The following KCNH1 variants were observed in gnomAD, a reference collection of about 807,000 sequenced individuals.
KCNH1 encodes the protein potassium voltage-gated channel subfamily H member 1.
KCNH1 carries 27 observed loss-of-function variants against 69.2 expected under a neutral mutation model. That is an observed-to-expected ratio of 0.39 (90% CI 0.29 to 0.54). The LOEUF (loss-of-function observed/expected upper bound fraction) is 0.54. Among genes scored for constraint, KCNH1 ranks in the 20% least tolerant of loss-of-function variants. KCNH1 has a pLI of 0.68. For missense variants in KCNH1, 798 were observed against 1,261.6 expected (o/e 0.63, Z 5.57); for synonymous variants, 456 against 487.7 (o/e 0.93, Z 0.86).
At chr1:210,913,821 ACTATATTT>A (rs1156506554) in intron 7 of KCNH1, among the ~76,000 whole-genome samples, 2 of 152,178 alleles carry the variant, frequency 1.3e-5, no homozygotes. Flanking sequence ...CAGAATAAAT[ACTATATTT>A]CTATATTTCC....
chr1:211,134,139 C>CGCG lies in KCNH1; in HGVS notation c.-195_-194insCGC. 2.2e-6 allele frequency: 1 copy of CGCG among 455,288 alleles called. No individual in the cohort carries two copies. Among genetic ancestry groups the CGCG allele is most frequent in the Non-Finnish European group, 3.9e-6 (1 of 258,746 alleles). The allele number at this position is 455,288 out of a possible 1,614,324, so 28.2% of individuals were successfully genotyped here. ...TCGCGCCTCCCTCCCTGCGGCCCGC[C>CGCG]TCGCAGTGCACTCGCGCCGGCCTCG... On this transcript the variant is annotated 5_prime_UTR_variant, in exon 1 of 11. Coordinates refer to ENST00000271751, the MANE Select transcript of KCNH1 (RefSeq NM_172362.3). This position sits in a 1 kb window ranked among gnomAD's most constrained non-coding sequence, Gnocchi z 5.7.
At chr1:210,814,637 A>G (rs1684775720) in intron 7 of KCNH1, among the ~76,000 whole-genome samples, 1 of 152,192 alleles carries the variant, frequency 6.6e-6, no homozygotes, top group Non-Finnish European at 1.5e-5. Flanking sequence ...CAGTTTTCTC[A>G]TTTATGAAAG....
At chr1:211,128,004 C>G (rs759677948) in intron 1 of KCNH1, among the ~76,000 whole-genome samples, 15 of 152,134 alleles carry the variant, frequency 9.9e-5, no homozygotes, top group Non-Finnish European at 1.9e-4. Context: ...GAAAATGCAT[C>G]AACAGGCCAG....
intron 5 of KCNH1, among the ~76,000 whole-genome samples, chr1:211,040,984 C>T (rs1689985034): frequency 6.6e-6 from 1 of 152,156 alleles, no homozygotes; most frequent in African/African-American, 2.4e-5. Flanking sequence ...ACCTGTGATC[C>T]TCTCCTTTTT....
At chr1:210,868,186 C>T (rs1434699782) in intron 7 of KCNH1, among the ~76,000 whole-genome samples, 1 of 151,940 alleles carries the variant, frequency 6.6e-6, no homozygotes. Flanking sequence ...TTTTCAATTG[C>T]CTTTCCTTGA....
At chr1:211,124,558 C>T (rs1029054502) in intron 1 of KCNH1, among the ~76,000 whole-genome samples, 109 of 151,968 alleles carry the variant, frequency 7.2e-4, no homozygotes, top group Admixed American at 7.1e-3. Context: ...CCAGGGAAAT[C>T]GCAAGCCGAG....
intron 10 of KCNH1, among the ~76,000 whole-genome samples, chr1:210,698,451 C>CTCTTCTT (rs1484384723): frequency 6.6e-6 from 1 of 151,916 alleles, no homozygotes; most frequent in South Asian, 2.1e-4. Flanking sequence ...TACACCATAA[C>CTCTTCTT]CAGAAGAAGA....
intron 7 of KCNH1, among the ~76,000 whole-genome samples, chr1:210,842,046 G>A (rs956509274): frequency 6.6e-6 from 1 of 152,082 alleles, no homozygotes; most frequent in Admixed American, 6.6e-5. Context: ...TCCACTTACT[G>A]TAGGTGATAA....
intron 6 of KCNH1, among the ~76,000 whole-genome samples, chr1:210,945,716 C>T (rs1687947189): frequency 6.6e-6 from 1 of 152,216 alleles, no homozygotes; most frequent in South Asian, 2.1e-4. Context: ...TGTTGTTCCT[C>T]AGACACATTG....
chr1:210,994,594 A>G (rs1428021233), intron 6 of KCNH1, among the ~76,000 whole-genome samples: 4 of 152,236 alleles, frequency 2.6e-5, no homozygotes, highest in Non-Finnish European at 5.9e-5. Flanking sequence ...TTCAACAAAA[A>G]GGGGAAGAAC....
chr1:210,950,217 T>C lies in KCNH1; in HGVS notation c.1033-30148A>G, dbSNP rs1688037353. On this transcript the variant is annotated intron_variant, in intron 6 of 10. Transcript: ENST00000271751. ...CACTTCACTTCTCAGTTTAGATTTC[T>C]TTTTTTTTTTTTTAATTATACTTTA... is the stretch of plus-strand genomic sequence containing the variant. Among the ~76,000 whole-genome samples, 6 of 140,998 alleles carry C rather than the reference T, an allele frequency of 4.3e-5. No homozygotes were observed. In the South Asian group the frequency reaches 1.3e-3, roughly 32 times the overall value. 92.5% of individuals were successfully genotyped at this position (140,998 alleles called of 152,430 possible).
intron 6 of KCNH1, among the ~76,000 whole-genome samples, chr1:210,980,837 G>A (rs1688697151): frequency 6.6e-6 from 1 of 152,102 alleles, no homozygotes; most frequent in Non-Finnish European, 1.5e-5. Flanking sequence ...GTGTGTGTGT[G>A]TGTGTGTGCA....
At chr1:210,701,493 T>C (rs1681776695) in intron 10 of KCNH1, among the ~76,000 whole-genome samples, 1 of 152,202 alleles carries the variant, frequency 6.6e-6, no homozygotes, top group African/African-American at 2.4e-5. Flanking sequence ...TCTTCTAAGA[T>C]TCTAAGATAC....
At chr1:210,857,496 G>C (rs1211557606) in intron 7 of KCNH1, among the ~76,000 whole-genome samples, 1 of 152,166 alleles carries the variant, frequency 6.6e-6, no homozygotes, top group African/African-American at 2.4e-5. Flanking sequence ...TCACTGTAAA[G>C]GCTTGAACAG....
chr1:211,031,919 G>A (rs1276400249), intron 5 of KCNH1, among the ~76,000 whole-genome samples: 1 of 152,132 alleles, frequency 6.6e-6, no homozygotes, highest in Non-Finnish European at 1.5e-5. Flanking sequence ...AGGGCAATCA[G>A]GCAGGAGAAG....
intron 10 of KCNH1, among the ~76,000 whole-genome samples, chr1:210,687,196 G>T (rs1044815734): frequency 3.3e-5 from 5 of 152,228 alleles, no homozygotes; most frequent in African/African-American, 1.2e-4. Context: ...ATCCCAAGAG[G>T]CTGTACAGCA....
intron 5 of KCNH1, among the ~76,000 whole-genome samples, chr1:211,067,044 C>T (rs1690544713): frequency 6.6e-6 from 1 of 152,100 alleles, no homozygotes; most frequent in Non-Finnish European, 1.5e-5. Context: ...AGATGGTGTC[C>T]CTTCCACATC....
chr1:211,012,736 T>A (rs1689416129), intron 6 of KCNH1, among the ~76,000 whole-genome samples: 1 of 152,192 alleles, frequency 6.6e-6, no homozygotes, highest in African/African-American at 2.4e-5. Context: ...ATAGAATATA[T>A]AATCCAAAGA....
intron 5 of KCNH1, among the ~76,000 whole-genome samples, chr1:211,040,218 G>C (rs908159122): frequency 4.6e-5 from 7 of 151,894 alleles, no homozygotes; most frequent in Non-Finnish European, 8.8e-5. Context: ...GACTTCGGGG[G>C]ACTGTTGGGA....
Sources: gnomAD v4.1 joint callset for allele counts (sites outside exome capture counted in the v4.1 genomes callset) on GRCh38, gnomAD v4.1.1 for gene constraint, Gnocchi (gnomAD v3.1) non-coding constraint, MANE v1.5 for transcripts, NCBI Gene and HGNC (gene_info 2026-07-23, HGNC 2026-07-21) for gene names.